MAFF: variants seen among roughly 807,000 people sequenced by gnomAD.
MAFF encodes the protein transcription factor MafF.
In MAFF, 4 loss-of-function variants were observed where a neutral mutation model predicts 2.7. That is an observed-to-expected ratio of 1.48 (90% confidence interval 0.73 to 3.39). MAFF has a LOEUF of 3.39. Ranked by LOEUF, MAFF falls within the 30% of genes most tolerant of loss-of-function variation. The pLI is 0.01. For synonymous variants in MAFF, 113 were observed against 119.4 expected, an observed-to-expected ratio of 0.95 and a Z score of 0.35; for missense variants, 190 against 246.6, an observed-to-expected ratio of 0.77 and a Z score of 1.54.
chr22:38,210,066 C>T (rs982482122), intron 1 of MAFF, among the ~76,000 whole-genome samples: 11 of 152,098 alleles, frequency 7.2e-5, no homozygotes, highest in African/African-American at 2.2e-4. Context: ...CAGGCTAAGC[C>T]GGCATGTTCA....
At chr22:38,204,601 G>T (rs947401659) in intron 1 of MAFF, among the ~76,000 whole-genome samples, 1 of 152,214 alleles carries the variant, frequency 6.6e-6, no homozygotes, top group Non-Finnish European at 1.5e-5. Flanking sequence ...GGAAGCCAGG[G>T]CAGGGGCTGG....
At chr22:38,204,148 T>A (rs1404586206) in intron 1 of MAFF, 1 of 152,218 alleles carries the variant, frequency 6.6e-6, no homozygotes, top group Admixed American at 6.5e-5. Context: ...ATTGGGCCCT[T>A]GTCCTGGACC....
intron 1 of MAFF, chr22:38,205,649 T>C (rs2091045917): frequency 1.3e-5 from 2 of 152,198 alleles, no homozygotes; most frequent in South Asian, 4.1e-4. Flanking sequence ...GGAGGTCAGC[T>C]CTGCTGGCTT....
intron 1 of MAFF, among the ~76,000 whole-genome samples, chr22:38,207,312 AG>A (rs1178353134): frequency 2.7e-5 from 4 of 150,430 alleles, no homozygotes; most frequent in Non-Finnish European, 5.9e-5. Context: ...TAGTACAGAC[AG>A]GGTTTCACTG....
chr22:38,207,060 C>G (rs2091057468), intron 1 of MAFF, among the ~76,000 whole-genome samples: 1 of 152,126 alleles, frequency 6.6e-6, no homozygotes, highest in Non-Finnish European at 1.5e-5. Context: ...GTCGCCCTGC[C>G]AGGGCCACAC....
rs1397592108 is a variant in MAFF at position 38,214,914 on chromosome 22, G to T, written c.*36G>T. On this transcript the variant is annotated 3_prime_UTR_variant, in exon 3 of 3. Coordinates refer to ENST00000338483, the MANE Select transcript of MAFF (RefSeq NM_012323.4). This position sits in a 1 kb window ranked among gnomAD's most constrained non-coding sequence, Gnocchi z 6.3. ...CGCCATGCCTCAGCCACGCCCCTCCGGCCTCAGCTCCCTCCCCAAAGTGCC... is the reference window on the plus strand; with the variant it reads ...CGCCATGCCTCAGCCACGCCCCTCCTGCCTCAGCTCCCTCCCCAAAGTGCC... 2.1e-6 allele frequency: 3 copies of T among 1,429,248 alleles called. No homozygotes were observed. The highest frequency in any genetic ancestry group is 2.2e-5 in the Admixed American group (1 of 45,800). The allele number at this position is 1,429,248 out of a possible 1,614,324, so 88.5% of individuals were successfully genotyped here.
At chr22:38,209,153 C>T (rs2091077204) in intron 1 of MAFF, among the ~76,000 whole-genome samples, 1 of 151,942 alleles carries the variant, frequency 6.6e-6, no homozygotes, top group African/African-American at 2.4e-5. Flanking sequence ...GCATGCTTCA[C>T]CTCCCGGGTT....
At position 38,202,227 on chromosome 22, in the gene MAFF, A is replaced by G. The variant is rs2267372; in HGVS notation, c.-32+15A>G. The stretch of plus-strand genomic sequence containing the variant: ...CCCAGAAGCGGGTGAGGAACGCGGG[A>G]CCAGGAGGACGGTGCGCGGGACCCC... On this transcript the variant is annotated intron_variant, in intron 1 of 2. Coordinates refer to ENST00000338483, the MANE Select transcript of MAFF (RefSeq NM_012323.4). This position sits in a 1 kb window ranked among gnomAD's most constrained non-coding sequence, Gnocchi z 7.4. The G allele has an allele frequency of 0.59, 90,173 of 152,292 alleles. 26,912 individuals carry two copies. Among genetic ancestry groups the G allele is most frequent in the East Asian group, 0.74 (3,833 of 5,152 alleles). The allele number at this position is 152,292 out of a possible 1,614,324, so 9.4% of individuals were successfully genotyped here. A position where few individuals can be genotyped will look rare whatever the true frequency, so the allele number is the denominator to read the frequency against.
intron 1 of MAFF, among the ~76,000 whole-genome samples, chr22:38,211,479 C>G (rs945209725): frequency 2.0e-5 from 3 of 152,072 alleles, no homozygotes. Context: ...CCCGCCTTGG[C>G]CTCCCAAAGT....
chr22:38,211,515 G>A (rs1360310527), intron 1 of MAFF, among the ~76,000 whole-genome samples: 3 of 110,562 alleles, frequency 2.7e-5, no homozygotes, highest in East Asian at 2.9e-4. Flanking sequence ...GTGAGCCACC[G>A]CGCCCGGCCA....
rs559413676 is a variant in MAFF, at chr22:38,214,196, T to C, written c.37-224T>C. Among the ~76,000 whole-genome samples, 3 of 152,368 alleles carry C rather than the reference T, an allele frequency of 2.0e-5. No individual in the cohort carries two copies. The Middle Eastern group carries it at 0.01, about 518-fold the overall frequency. On this transcript the variant is annotated intron_variant, in intron 2 of 2. Transcript: ENST00000338483. This position sits in a 1 kb window ranked among gnomAD's most constrained non-coding sequence, Gnocchi z 6.3. ...GGGTTTCTCTGGCTGAGTCCAGGGCTTGGCGCTAGGTTAGAATTCAGGCTG... is the reference window on the plus strand; with the variant it reads ...GGGTTTCTCTGGCTGAGTCCAGGGCCTGGCGCTAGGTTAGAATTCAGGCTG...
In MAFF at chr22:38,210,309, C is replaced by G. The variant is rs370097583; in HGVS notation, c.-31-3514C>G. Among the ~76,000 whole-genome samples, 31 of 152,310 alleles carry G rather than the reference C, an allele frequency of 2.0e-4. 1 individual carries two copies. The South Asian group carries it at 6.4e-3, about 32-fold the overall frequency. On this transcript the variant is annotated intron_variant, in intron 1 of 2. Transcript: ENST00000338483. Reference sequence around the variant, plus strand: ...TTCCTTCTGTCCCACTCCTTCCTTCCCTGTGAGCTGCCAGACCCCCTGACT... The same window carrying G: ...TTCCTTCTGTCCCACTCCTTCCTTCGCTGTGAGCTGCCAGACCCCCTGACT...
chr22:38,207,709 T>G (rs1182007338), intron 1 of MAFF, among the ~76,000 whole-genome samples: 2 of 152,088 alleles, frequency 1.3e-5, no homozygotes, highest in African/African-American at 4.8e-5. Context: ...TGGTTCCTCC[T>G]GCCTCAGCCT....
At position 38,215,288 on chromosome 22, in the gene MAFF, G is replaced by A. The variant is rs548922128; in HGVS notation, c.*410G>A. ...CTAGGTTTGGCTGTCTGTGACTTAC[G>A]GGACCGTCCTGCTGAGAAATTGCAC... On this transcript the variant is annotated 3_prime_UTR_variant, in exon 3 of 3. Transcript: ENST00000338483. 21 of 186,038 alleles carry A rather than the reference G, an allele frequency of 1.1e-4. No homozygotes were observed. The highest frequency in any genetic ancestry group is 4.1e-4 in the African/African-American group (17 of 41,882). The allele number at this position is 186,038 out of a possible 1,614,324, so 11.5% of individuals were successfully genotyped here.
intron 1 of MAFF, chr22:38,203,616 G>A (rs1250679508): frequency 6.6e-6 from 1 of 152,246 alleles, no homozygotes; most frequent in African/African-American, 2.4e-5. Flanking sequence ...AGATTCCTTG[G>A]TCTTAATCCA....
chr22:38,209,833 AAAGG>A (rs2091084220), intron 1 of MAFF, among the ~76,000 whole-genome samples: 1 of 148,820 alleles, frequency 6.7e-6, no homozygotes, highest in Non-Finnish European at 1.5e-5. Flanking sequence ...AAAAAAAAAA[AAAGG>A]GAAAAAAAAA....
intron 1 of MAFF, among the ~76,000 whole-genome samples, chr22:38,204,956 C>T (rs2091040977): frequency 6.6e-6 from 1 of 151,798 alleles, no homozygotes; most frequent in African/African-American, 2.4e-5. Flanking sequence ...AGACGGAGGG[C>T]AAGGCAAGAG....
chr22:38,203,046 G>C (rs1434090071), intron 1 of MAFF: 1 of 152,288 alleles, frequency 6.6e-6, no homozygotes, highest in African/African-American at 2.4e-5. Flanking sequence ...AGGGATGTGA[G>C]CCACCCCCGC....
intron 1 of MAFF, among the ~76,000 whole-genome samples, chr22:38,209,857 T>C (rs1046796747): frequency 1.0e-4 from 15 of 147,046 alleles, no homozygotes; most frequent in Non-Finnish European, 1.8e-4. Flanking sequence ...AAGGCCTGCA[T>C]TGAAAGGTAG....
Sources: allele counts gnomAD v4.1 joint callset (sites outside exome capture counted in the v4.1 genomes callset), GRCh38; gene constraint gnomAD v4.1.1; non-coding constraint Gnocchi (gnomAD v3.1); transcripts MANE v1.5; gene names NCBI Gene and HGNC (gene_info 2026-07-23, HGNC 2026-07-21).